CFAP61: variants seen among roughly 807,000 people sequenced by gnomAD.
CFAP61 encodes the protein cilia- and flagella-associated protein 61.
CFAP61 carries 107 observed loss-of-function variants against 135.6 expected under a neutral mutation model. That is an observed-to-expected ratio of 0.79 (90% CI 0.67 to 0.93). CFAP61 has a LOEUF of 0.93. CFAP61 is among the 40% of genes least tolerant of loss of function. The pLI, the probability that CFAP61 is intolerant of heterozygous loss-of-function variation, is 0.00. For synonymous variants in CFAP61, 575 were observed against 578.5 expected (o/e 0.99, Z 0.09); for missense variants, 1,507 against 1,556.2 (o/e 0.97, Z 0.53).
chr20:20,251,312 C>G (rs2050876083), intron 19 of CFAP61, among the ~76,000 whole-genome samples: 1 of 148,432 alleles, frequency 6.7e-6, no homozygotes, highest in Non-Finnish European at 1.5e-5. Context: ...AGTGATTTCA[C>G]ACACACACAC....
At chr20:20,287,722 C>T (rs566220822) in intron 22 of CFAP61, among the ~76,000 whole-genome samples, 11 of 152,310 alleles carry the variant, frequency 7.2e-5, no homozygotes, top group African/African-American at 2.4e-4. Flanking sequence ...CATTTTTTAG[C>T]ATGCTTTTAA....
chr20:20,060,379 C>T lies in CFAP61; in HGVS notation c.143+3583C>T, dbSNP rs2044706921. On this transcript the variant is annotated intron_variant, in intron 2 of 26. Coordinates refer to ENST00000245957, the MANE Select transcript of CFAP61 (RefSeq NM_015585.4). ...AATACCTCAGCTGGAAAGCTCAAAA[C>T]ACAAGAAGGAATGTCAACAAAAATA... 1.3e-5 allele frequency among the ~76,000 whole-genome samples: 2 copies of T among 152,040 alleles called. 1 individual carries two copies. The highest frequency in any genetic ancestry group is 1.3e-4 in the Admixed American group (2 of 15,270).
intron 21 of CFAP61, among the ~76,000 whole-genome samples, chr20:20,270,345 G>C (rs1317482816): frequency 2.0e-5 from 3 of 152,110 alleles, no homozygotes. Flanking sequence ...AATGACAGCA[G>C]AGCACAATTT....
chr20:20,068,769 G>A (rs1049655102), intron 2 of CFAP61, among the ~76,000 whole-genome samples: 18 of 152,086 alleles, frequency 1.2e-4, no homozygotes, highest in Middle Eastern at 3.2e-3. Context: ...CTTTTGAGAC[G>A]GAGTCTTGCT....
At chr20:20,190,473 CAG>C (rs1457610274) in intron 14 of CFAP61, among the ~76,000 whole-genome samples, 2 of 151,936 alleles carry the variant, frequency 1.3e-5, no homozygotes, top group African/African-American at 4.8e-5. Flanking sequence ...AGGGTGGGGA[CAG>C]AGGGGGCAAC....
At chr20:20,071,117 A>G in intron 3 of CFAP61, 113 bp downstream of exon 3, 1 of 1,072,676 alleles carries the variant, frequency 9.3e-7, no homozygotes, top group Non-Finnish European at 1.3e-6. Context: ...ACATCATGAC[A>G]GTTAAAAGTG....
At chr20:20,265,457 T>C (rs1483292567) in intron 21 of CFAP61, 1 of 779,680 alleles carries the variant, frequency 1.3e-6, no homozygotes, top group African/African-American at 1.7e-5. Flanking sequence ...CTTGCCCAGT[T>C]GTCAGGGATG....
chr20:20,126,972 A>G (rs1001159405), intron 8 of CFAP61, among the ~76,000 whole-genome samples: 2 of 150,180 alleles, frequency 1.3e-5, no homozygotes, highest in Non-Finnish European at 3.0e-5. Context: ...TTGTCTTTGA[A>G]CTCTGAATTT....
At chr20:20,270,048 A>G (rs1420649493) in intron 21 of CFAP61, among the ~76,000 whole-genome samples, 3 of 152,246 alleles carry the variant, frequency 2.0e-5, no homozygotes, top group South Asian at 2.1e-4. Context: ...AAAAGGAAAC[A>G]TAATTATTCA....
intron 26 of CFAP61, among the ~76,000 whole-genome samples, chr20:20,345,422 A>T (rs186348208): frequency 3.0e-4 from 46 of 152,314 alleles, no homozygotes; most frequent in East Asian, 2.1e-3. Flanking sequence ...TAATTTTTTT[A>T]AAATATTCAA....
chr20:20,070,313 C>T (rs1310787653), intron 2 of CFAP61, among the ~76,000 whole-genome samples: 1 of 152,200 alleles, frequency 6.6e-6, no homozygotes, highest in East Asian at 1.9e-4. Flanking sequence ...GGGACATGAA[C>T]TCACAGTTTG....
At chr20:20,198,837 T>C (rs1212881093) in intron 16 of CFAP61, among the ~76,000 whole-genome samples, 1 of 152,246 alleles carries the variant, frequency 6.6e-6, no homozygotes, top group Non-Finnish European at 1.5e-5. Flanking sequence ...AAAAAAGTCA[T>C]AGGTAAACCA....
chr20:20,253,187 TTTTTC>T (rs2051126601), intron 20 of CFAP61: 1 of 144,242 alleles, frequency 6.9e-6, no homozygotes, highest in Non-Finnish European at 1.5e-5. Context: ...CCTTCCTTCT[TTTTTC>T]CTTCCTTCCT....
rs974301895 is a variant in CFAP61, at chr20:20,322,792, G to A, written c.3423-19039G>A. 4 of 985,338 alleles carry A rather than the reference G, an allele frequency of 4.1e-6. No homozygotes were observed. In the African/African-American group the frequency reaches 7.0e-5, roughly 17 times the overall value. The allele number at this position is 985,338 out of a possible 1,614,324, so 61.0% of individuals were successfully genotyped here. The stretch of plus-strand genomic sequence containing the variant: ...GCCTAGCAACCTGTGAATGCTGTTT[G>A]CTATCATGTTATTAATATGGTAGGA... On this transcript the variant is annotated intron_variant, in intron 25 of 26. Coordinates refer to ENST00000245957, the MANE Select transcript of CFAP61 (RefSeq NM_015585.4).
intron 25 of CFAP61, among the ~76,000 whole-genome samples, chr20:20,330,157 A>G (rs544177479): frequency 3.3e-5 from 5 of 152,372 alleles, no homozygotes; most frequent in Non-Finnish European, 7.3e-5. Flanking sequence ...AAAAAGAAAC[A>G]GAGAAAATTA....
intron 20 of CFAP61, among the ~76,000 whole-genome samples, chr20:20,257,605 CTG>C: frequency 7.8e-6 from 1 of 127,546 alleles, no homozygotes; most frequent in Admixed American, 9.5e-5. Context: ...CAGAGCAAGA[CTG>C]TCTCAAAAAA....
rs1420460764 is a variant in CFAP61, at chr20:20,070,874, T to C, written c.164T>C (p.Val55Ala). Residue 55 changes from valine to alanine, a missense_variant, in exon 3 of 27, where the codon GTT becomes GCT. Val to Ala is a moderately conservative substitution (Grantham distance 64, BLOSUM62 0). Transcript: ENST00000245957. ...TGCAGAGAAAAGGCCAACCTTGCTGTTACCCTCTGCAATGACAAGGAGGAG... is the reference window on the plus strand; with the variant it reads ...TGCAGAGAAAAGGCCAACCTTGCTGCTACCCTCTGCAATGACAAGGAGGAG... ...IYLLEKANLA[V>A]TLCNDKEEIM... 1 of 1,613,430 alleles carries C rather than the reference T, an allele frequency of 6.2e-7. No individual in the cohort carries two copies. The highest frequency in any genetic ancestry group is 1.3e-5 in the African/African-American group (1 of 74,902).
chr20:20,266,177 T>G (rs1601716165), intron 21 of CFAP61, among the ~76,000 whole-genome samples: 1 of 152,356 alleles, frequency 6.6e-6, no homozygotes, highest in Middle Eastern at 3.4e-3. Flanking sequence ...GAAATACAAA[T>G]TCATGCCAAA....
intron 25 of CFAP61, 43 bp from the exon 26 acceptor site, chr20:20,341,788 T>G: frequency 3.4e-4 from 475 of 1,391,058 alleles, no homozygotes; most frequent in Non-Finnish European, 4.4e-4. Context: ...TTAGTGGTAA[T>G]GAGAGGGTTG....
Sources: gnomAD v4.1 joint callset for allele counts (sites outside exome capture counted in the v4.1 genomes callset) on GRCh38, gnomAD v4.1.1 for gene constraint, MANE v1.5 for transcripts, NCBI Gene and HGNC (gene_info 2026-07-23, HGNC 2026-07-21) for gene names.